LARGE1: variants seen among roughly 807,000 people sequenced by gnomAD.
LARGE1 encodes the protein LARGE xylosyl- and glucuronyltransferase 1, also known as xylosyl- and glucuronyltransferase LARGE1.
Under a neutral mutation model 87.6 loss-of-function variants are expected in LARGE1, and 43 were observed. That is an observed-to-expected ratio of 0.49 (90% CI 0.38 to 0.63). The LOEUF is 0.63. Among genes scored for constraint, LARGE1 ranks in the 30% least tolerant of loss-of-function variants. The probability of loss-of-function intolerance (pLI) is 0.00; values close to 1 mark genes in which losing one functional copy is unlikely to be tolerated. For synonymous variants in LARGE1, 434 were observed against 394.6 expected (o/e 1.10, Z -1.18); for missense variants, 802 against 1,000.2 (o/e 0.80, Z 2.67).
At chr22:33,144,854 C>T in the LARGE1 span, among the ~76,000 whole-genome samples, 1 of 152,110 alleles carries the variant, frequency 6.6e-6, no homozygotes. Context: ...CATGATTACT[C>T]AAACTGATTA....
intron 7 of LARGE1, among the ~76,000 whole-genome samples, chr22:33,409,299 G>A (rs2066221515): frequency 6.6e-6 from 1 of 152,174 alleles, no homozygotes; most frequent in African/African-American, 2.4e-5. Flanking sequence ...GGAAGGAGGA[G>A]GAGGAGGCTG....
chr22:33,551,540 C>T (rs546899485), intron 6 of LARGE1, among the ~76,000 whole-genome samples: 100 of 152,294 alleles, frequency 6.6e-4, no homozygotes, highest in African/African-American at 2.3e-3. Context: ...AGACAAGATA[C>T]ATCTAGAACA....
At chr22:33,922,198 C>CT (rs2065966281), upstream of LARGE1, among the ~76,000 whole-genome samples, 1 of 144,772 alleles carries the variant, frequency 6.9e-6, no homozygotes, top group South Asian at 2.2e-4. Flanking sequence ...GAAGGATGGG[C>CT]TGGGGAGGGG....
intron 2 of LARGE1, among the ~76,000 whole-genome samples, chr22:33,697,473 G>A (rs1221829776): frequency 1.4e-5 from 2 of 142,342 alleles, no homozygotes; most frequent in Non-Finnish European, 3.0e-5. Context: ...AAGGCGGGCG[G>A]ATCACGAGGT....
chr22:33,393,453 T>C (rs1360980750), intron 7 of LARGE1, among the ~76,000 whole-genome samples: 5 of 152,224 alleles, frequency 3.3e-5, no homozygotes, highest in East Asian at 3.8e-4. Flanking sequence ...ATTATGTGCA[T>C]GTGTGCAAAG....
chr22:33,909,762 TCTC>T (rs1402287042), intron 1 of LARGE1, among the ~76,000 whole-genome samples: 1 of 152,014 alleles, frequency 6.6e-6, no homozygotes, highest in Non-Finnish European at 1.5e-5. Context: ...ATGGTCTCGA[TCTC>T]CTGACCTCAT....
chr22:33,337,986 C>T (rs1938678407), intron 9 of LARGE1, among the ~76,000 whole-genome samples, 185 bp from the exon 10 acceptor site: 1 of 152,172 alleles, frequency 6.6e-6, no homozygotes. Flanking sequence ...TGGGATCAAA[C>T]CCTGCCTCTG....
intron 10 of LARGE1, among the ~76,000 whole-genome samples, chr22:33,323,656 A>T (rs570584022): frequency 6.6e-6 from 1 of 152,326 alleles, no homozygotes; most frequent in East Asian, 1.9e-4. Context: ...CACTCAAAAA[A>T]AGAAGGGAAC....
chr22:33,324,247 A>C (rs1937026035), intron 10 of LARGE1, among the ~76,000 whole-genome samples: 3 of 81,642 alleles, frequency 3.7e-5, no homozygotes, highest in African/African-American at 9.8e-5. Context: ...AAAAAAAAAA[A>C]AAAAAAAAAA....
intron 6 of LARGE1, among the ~76,000 whole-genome samples, chr22:33,504,950 A>G (rs1278142808): frequency 6.6e-6 from 1 of 152,254 alleles, no homozygotes; most frequent in Admixed American, 6.5e-5. Flanking sequence ...TCATTTGGAT[A>G]CAGCAACAGG....
intron 1 of LARGE1, among the ~76,000 whole-genome samples, chr22:33,893,646 T>C (rs1200545942): frequency 6.6e-6 from 1 of 152,240 alleles, no homozygotes; most frequent in African/African-American, 2.4e-5. Flanking sequence ...GTGCTTCAAC[T>C]TTCAAAAGCT....
At chr22:33,351,863 C>T (rs1940414554) in intron 9 of LARGE1, among the ~76,000 whole-genome samples, 1 of 151,940 alleles carries the variant, frequency 6.6e-6, no homozygotes, top group African/African-American at 2.4e-5. Context: ...CTCAGCCTCC[C>T]GAGTAGCTGG....
At chr22:33,707,054 C>T (rs1456007145) in intron 2 of LARGE1, among the ~76,000 whole-genome samples, 2 of 152,214 alleles carry the variant, frequency 1.3e-5, no homozygotes, top group Non-Finnish European at 2.9e-5. Flanking sequence ...CCTGAAAAAG[C>T]AACCATCACC....
At chr22:33,264,410 G>A (rs372421223) in intron 11 of LARGE1, among the ~76,000 whole-genome samples, 4 of 152,358 alleles carry the variant, frequency 2.6e-5, no homozygotes, top group East Asian at 1.9e-4. Context: ...TGTAATCCCA[G>A]CACTCTGGGA....
chr22:33,130,313 CAAAAA>C, the LARGE1 span, among the ~76,000 whole-genome samples: 32 of 56,998 alleles, frequency 5.6e-4, 1 homozygote, highest in African/African-American at 1.8e-3. Context: ...GATTCCGTCT[CAAAAA>C]AAAAAAAAAA....
chr22:33,877,230 G>T (rs2064495634), intron 1 of LARGE1, among the ~76,000 whole-genome samples: 1 of 152,162 alleles, frequency 6.6e-6, no homozygotes, highest in African/African-American at 2.4e-5. Context: ...CTGAGGCCCT[G>T]CTATGTATAA....
chr22:33,291,802 C>A (rs1212210609), intron 12 of LARGE1, among the ~76,000 whole-genome samples: 3 of 151,958 alleles, frequency 2.0e-5, no homozygotes, highest in Non-Finnish European at 4.4e-5. Context: ...GTTCAAAGAA[C>A]CATCTTGGGG....
intron 11 of LARGE1, among the ~76,000 whole-genome samples, chr22:33,310,080 C>T (rs907782813): frequency 6.6e-6 from 1 of 152,110 alleles, no homozygotes; most frequent in East Asian, 1.9e-4. Flanking sequence ...TTCTTAAGAC[C>T]CCTATTTCCA....
chr22:33,104,841 G>A, the LARGE1 span, among the ~76,000 whole-genome samples: 13 of 152,228 alleles, frequency 8.5e-5, no homozygotes, highest in South Asian at 2.7e-3. Context: ...TCTCGAGCCC[G>A]TTTTCATGGC....
Sources: allele counts gnomAD v4.1 joint callset (sites outside exome capture counted in the v4.1 genomes callset), GRCh38; gene constraint gnomAD v4.1.1; transcripts MANE v1.5; gene names NCBI Gene and HGNC (gene_info 2026-07-23, HGNC 2026-07-21).